BMPER: variants seen among roughly 807,000 people sequenced by gnomAD.
BMPER encodes BMP-binding endothelial regulator protein.
Under a neutral mutation model 87.3 loss-of-function variants are expected in BMPER, and 45 were observed. That is an observed-to-expected ratio of 0.52 (90% CI 0.41 to 0.66). BMPER has a LOEUF of 0.66. Ranked by LOEUF, BMPER falls within the 30% of genes least tolerant of loss-of-function variation. The pLI is 0.00. For missense variants in BMPER, 784 were observed against 867.5 expected, an observed-to-expected ratio of 0.90 and a Z score of 1.21; for synonymous variants, 326 against 316.2, an observed-to-expected ratio of 1.03 and a Z score of -0.33.
intron 3 of BMPER, among the ~76,000 whole-genome samples, chr7:33,945,997 T>C (rs1784885157): frequency 6.6e-6 from 1 of 152,044 alleles, no homozygotes; most frequent in East Asian, 1.9e-4. Flanking sequence ...GGGGAAGGTG[T>C]TTTAGTCCTT....
chr7:34,117,789 A>G lies in BMPER; in HGVS notation c.1746-25441A>G, dbSNP rs536203283. 3.3e-5 allele frequency among the ~76,000 whole-genome samples: 5 copies of G among 152,286 alleles called. No individual in the cohort carries two copies. In the South Asian group the frequency reaches 1.0e-3, roughly 32 times the overall value. On this transcript the variant is annotated intron_variant, in intron 13 of 14. Coordinates refer to ENST00000649409, the MANE Select transcript of BMPER (RefSeq NM_001365308.1). ...AGGTTCTGCCAATTTGGCATCAGAG[A>G]GGTTGCTGTTAGGCCAGTTAAAAAG... is the stretch of plus-strand genomic sequence containing the variant.
chr7:33,972,936 A>T (rs1785585658), intron 5 of BMPER, among the ~76,000 whole-genome samples: 1 of 152,176 alleles, frequency 6.6e-6, no homozygotes, highest in South Asian at 2.1e-4. Context: ...AAATCTAGGG[A>T]GGGAGAGTCA....
chr7:34,115,458 C>G (rs1790093225), intron 13 of BMPER, among the ~76,000 whole-genome samples: 1 of 152,156 alleles, frequency 6.6e-6, no homozygotes, highest in Non-Finnish European at 1.5e-5. Context: ...TATTTACTAC[C>G]TGTAAAAGTA....
At chr7:34,097,929 T>G (rs968445071) in intron 13 of BMPER, among the ~76,000 whole-genome samples, 12 of 152,186 alleles carry the variant, frequency 7.9e-5, no homozygotes, top group Admixed American at 7.2e-4. Context: ...CACACCTAGA[T>G]AGACCAAAGT....
At chr7:34,057,857 C>CAT (rs766773811) in intron 9 of BMPER, among the ~76,000 whole-genome samples, 15 of 151,704 alleles carry the variant, frequency 9.9e-5, no homozygotes, top group African/African-American at 1.5e-4. Context: ...CACACACACA[C>CAT]ATGCTTGCAC....
chr7:33,999,245 T>G (rs1786511486), intron 6 of BMPER, among the ~76,000 whole-genome samples: 1 of 152,210 alleles, frequency 6.6e-6, no homozygotes, highest in African/African-American at 2.4e-5. Flanking sequence ...CACCGTGAGC[T>G]TTGTCTGCAG....
intron 6 of BMPER, among the ~76,000 whole-genome samples, chr7:33,992,875 G>T (rs1193847559): frequency 3.0e-5 from 4 of 133,044 alleles, no homozygotes; most frequent in African/African-American, 8.5e-5. Flanking sequence ...CTTCACTTAT[G>T]AAGCTTAGTT....
intron 6 of BMPER, among the ~76,000 whole-genome samples, chr7:33,981,104 A>G (rs905468396): frequency 4.0e-5 from 6 of 151,898 alleles, no homozygotes; most frequent in African/African-American, 1.2e-4. Context: ...TGCTCTGGCC[A>G]CTCTGGCCTT....
intron 13 of BMPER, among the ~76,000 whole-genome samples, chr7:34,131,795 G>A (rs146386111): frequency 9.2e-5 from 14 of 152,284 alleles, no homozygotes; most frequent in African/African-American, 2.4e-4. Context: ...CTGGCATCCC[G>A]GGGGATGGCA....
intron 2 of BMPER, among the ~76,000 whole-genome samples, chr7:33,916,038 C>A (rs1178954827): frequency 6.6e-6 from 1 of 152,184 alleles, no homozygotes; most frequent in Non-Finnish European, 1.5e-5. Flanking sequence ...CTACTTCCAC[C>A]ATTGAAGTGT....
chr7:34,087,416 A>T (rs1054777754), intron 13 of BMPER, among the ~76,000 whole-genome samples: 22 of 152,210 alleles, frequency 1.4e-4, no homozygotes, highest in African/African-American at 5.3e-4. Flanking sequence ...AAAGCAGTAG[A>T]ATATAGCAAT....
chr7:34,080,814 A>T (rs530697187), intron 12 of BMPER, among the ~76,000 whole-genome samples: 68 of 152,306 alleles, frequency 4.5e-4, no homozygotes, highest in African/African-American at 1.5e-3. Context: ...ACAGCCTAAG[A>T]GGTTCGATAG....
chr7:34,004,181 G>A, intron 6 of BMPER, among the ~76,000 whole-genome samples: 1 of 151,938 alleles, frequency 6.6e-6, no homozygotes, highest in East Asian at 1.9e-4. Flanking sequence ...ATCTGCTGTT[G>A]AACTCCTGCA....
At position 34,079,216 on chromosome 7, in the gene BMPER, T is replaced by C. The variant is rs140776437; in HGVS notation, c.1408+30T>C. 4 of 1,611,926 alleles carry C rather than the reference T, an allele frequency of 2.5e-6. No homozygotes were observed. In the African/African-American group the frequency reaches 5.3e-5, roughly 22 times the overall value. On this transcript the variant is annotated intron_variant, in intron 12 of 14. Transcript: ENST00000649409. The stretch of plus-strand genomic sequence containing the variant: ...GGCGTCTGTGGCCTCCCTCTTGCTC[T>C]AGCCTCCGCCTCACTTACCCGTTCA...
intron 6 of BMPER, among the ~76,000 whole-genome samples, chr7:34,029,583 T>A (rs997150923): frequency 2.0e-5 from 3 of 152,148 alleles, no homozygotes; most frequent in South Asian, 4.1e-4. Flanking sequence ...ATGAGGTCCC[T>A]GCTAAAGAGA....
intron 11 of BMPER, among the ~76,000 whole-genome samples, chr7:34,071,200 A>G (rs972475091): frequency 2.6e-5 from 4 of 152,204 alleles, no homozygotes; most frequent in African/African-American, 9.7e-5. Flanking sequence ...AGTTCATTAC[A>G]GTCTTACTCA....
intron 13 of BMPER, among the ~76,000 whole-genome samples, chr7:34,118,997 G>GTCTCTCTC (rs71554125): frequency 1.0e-5 from 1 of 97,916 alleles, no homozygotes; most frequent in African/African-American, 4.0e-5. Flanking sequence ...CTCTCTCACT[G>GTCTCTCTC]TCTCTCTCTC....
intron 6 of BMPER, among the ~76,000 whole-genome samples, chr7:34,004,932 C>T (rs1305528275): frequency 6.6e-6 from 1 of 152,068 alleles, no homozygotes; most frequent in Non-Finnish European, 1.5e-5. Flanking sequence ...TTCTGGATCC[C>T]AGGGTTATGT....
chr7:33,914,377 C>T (rs188601989), intron 2 of BMPER, among the ~76,000 whole-genome samples: 1 of 152,150 alleles, frequency 6.6e-6, no homozygotes, highest in East Asian at 1.9e-4. Flanking sequence ...TTGGAGCCCA[C>T]GTTTATAGCG....
Sources: gnomAD v4.1 joint callset for allele counts (sites outside exome capture counted in the v4.1 genomes callset) on GRCh38, gnomAD v4.1.1 for gene constraint, MANE v1.5 for transcripts, NCBI Gene and HGNC (gene_info 2026-07-23, HGNC 2026-07-21) for gene names.